Variants in TLK1 observed in about 807,000 individuals in gnomAD.
The protein encoded by TLK1 is tousled like kinase 1.
In TLK1, 24 loss-of-function variants were observed where a neutral mutation model predicts 105.3. The ratio of observed to expected loss-of-function variants is 0.23; its 90% confidence interval spans 0.17 to 0.32. TLK1 has a LOEUF of 0.32. Ranked by LOEUF, TLK1 falls within the 10% of genes least tolerant of loss-of-function variation. TLK1 has a pLI of 1.00. For synonymous variants in TLK1, 321 were observed against 310.4 expected, an observed-to-expected ratio of 1.03 and a Z score of -0.36; for missense variants, 558 against 910.5, an observed-to-expected ratio of 0.61 and a Z score of 4.98.
intron 2 of TLK1, among the ~76,000 whole-genome samples, chr2:171,087,862 GAGA>G (rs1265807945): frequency 6.6e-6 from 1 of 152,330 alleles, no homozygotes; most frequent in South Asian, 2.1e-4. Flanking sequence ...TGAGAAAACA[GAGA>G]AGGTTAAGTA....
At chr2:171,108,372 C>G (rs1690023793) in intron 2 of TLK1, among the ~76,000 whole-genome samples, 1 of 152,050 alleles carries the variant, frequency 6.6e-6, no homozygotes, top group African/African-American at 2.4e-5. Context: ...ACTGAGTATA[C>G]TGTCATTATA....
chr2:171,060,948 C>T lies in TLK1; in HGVS notation c.406+133G>A, dbSNP rs567232242. 2.0e-4 allele frequency: 158 copies of T among 772,148 alleles called. 3 individuals are homozygous for T. The South Asian group carries it at 3.2e-3, about 16-fold the overall frequency. 47.8% of individuals were successfully genotyped at this position (772,148 alleles called of 1,614,324 possible). On this transcript the variant is annotated intron_variant, in intron 4 of 20. Transcript: ENST00000431350. ...GAAAAGCCTAAAAGCAATCATTATA[C>T]ACTAACTACCTGTGCACACACCAAA...
chr2:171,195,517 A>C (rs1006363322), intron 1 of TLK1, among the ~76,000 whole-genome samples: 34 of 151,726 alleles, frequency 2.2e-4, no homozygotes, highest in African/African-American at 7.7e-4. Flanking sequence ...AAAAAAAAAA[A>C]AAAAACATAA....
At chr2:171,211,750 A>G (rs147226352) in intron 1 of TLK1, among the ~76,000 whole-genome samples, 4,372 of 151,662 alleles carry the variant, frequency 0.029, 228 homozygotes, top group African/African-American at 0.099. Flanking sequence ...GAGTTTCACC[A>G]TGTTGGTCAG....
At chr2:171,166,092 T>C (rs1386334502) in intron 1 of TLK1, among the ~76,000 whole-genome samples, 1 of 152,238 alleles carries the variant, frequency 6.6e-6, no homozygotes, top group Non-Finnish European at 1.5e-5. Context: ...GTGAGAGTAG[T>C]TATAACTCCT....
At chr2:171,087,973 ATC>A (rs1200553784) in intron 2 of TLK1, among the ~76,000 whole-genome samples, 1 of 152,164 alleles carries the variant, frequency 6.6e-6, no homozygotes, top group Admixed American at 6.5e-5. Flanking sequence ...GATGATAAAA[ATC>A]TCTCTCTGGG....
chr2:171,146,582 T>G (rs1691800704), intron 1 of TLK1, among the ~76,000 whole-genome samples: 1 of 152,186 alleles, frequency 6.6e-6, no homozygotes, highest in Non-Finnish European at 1.5e-5. Context: ...CTACCATATA[T>G]TCTCATGTCT....
intron 12 of TLK1, among the ~76,000 whole-genome samples, chr2:171,025,917 G>A (rs961189063): frequency 6.6e-6 from 1 of 152,030 alleles, no homozygotes; most frequent in Non-Finnish European, 1.5e-5. Flanking sequence ...ATGTACTACT[G>A]GCCACTTTCT....
intron 1 of TLK1, among the ~76,000 whole-genome samples, chr2:171,151,059 T>C (rs1249938986): frequency 1.3e-5 from 2 of 152,122 alleles, no homozygotes; most frequent in African/African-American, 2.4e-5. Context: ...CCTCACTCTG[T>C]TGCCCTGGCT....
chr2:171,226,050 G>T (rs1056940549), intron 1 of TLK1, among the ~76,000 whole-genome samples: 2 of 152,012 alleles, frequency 1.3e-5, no homozygotes, highest in African/African-American at 4.8e-5. Context: ...ATTCTCCTGT[G>T]AGTATTAATG....
At chr2:171,100,239 T>G (rs1380128517) in intron 2 of TLK1, among the ~76,000 whole-genome samples, 2 of 152,166 alleles carry the variant, frequency 1.3e-5, no homozygotes, top group African/African-American at 4.8e-5. Context: ...TGCTATGGAT[T>G]GAATATGGTC....
chr2:171,189,771 T>A (rs901688045), intron 1 of TLK1, among the ~76,000 whole-genome samples: 1 of 152,158 alleles, frequency 6.6e-6, no homozygotes, highest in Non-Finnish European at 1.5e-5. Flanking sequence ...CCTTTGTATA[T>A]GGTTTTTGCC....
At chr2:171,218,419 GAA>G (rs907961418) in intron 1 of TLK1, among the ~76,000 whole-genome samples, 5 of 152,202 alleles carry the variant, frequency 3.3e-5, no homozygotes, top group African/African-American at 1.2e-4. Flanking sequence ...TTTGCCAGAT[GAA>G]AAGAGTTCTG....
Position 170,991,603 on chromosome 2 carries a change from C to T in TLK1, c.*2177G>A, listed in dbSNP as rs1053947540. The T allele has an allele frequency of 2.6e-5, 4 of 152,272 alleles. No homozygotes were observed. The highest frequency in any genetic ancestry group is 2.1e-4 in the South Asian group (1 of 4,822). 9.4% of individuals were successfully genotyped at this position (152,272 alleles called of 1,614,324 possible). A position where few individuals can be genotyped will look rare whatever the true frequency, so the allele number is the denominator to read the frequency against. ...CATGGCTTGTTTTTCCCCTTTTCTG[C>T]GTTCTGCCACTAGCAGTCGCTCTCA... is the stretch of plus-strand genomic sequence containing the variant. On this transcript the variant is annotated 3_prime_UTR_variant, in exon 21 of 21. Coordinates refer to ENST00000431350, the MANE Select transcript of TLK1 (RefSeq NM_012290.5).
At chr2:171,092,646 ACC>A (rs952637389) in intron 2 of TLK1, among the ~76,000 whole-genome samples, 2 of 151,832 alleles carry the variant, frequency 1.3e-5, no homozygotes, top group Non-Finnish European at 2.9e-5. Flanking sequence ...CCACCCTCCT[ACC>A]CCCATGGACA....
intron 1 of TLK1, among the ~76,000 whole-genome samples, chr2:171,178,591 C>A (rs528435232): frequency 6.6e-6 from 1 of 152,280 alleles, no homozygotes; most frequent in South Asian, 2.1e-4. Flanking sequence ...TAACTCCAAG[C>A]CTGACAACCA....
chr2:171,145,183 A>T (rs565654252), intron 1 of TLK1, among the ~76,000 whole-genome samples: 3 of 151,996 alleles, frequency 2.0e-5, no homozygotes, highest in African/African-American at 7.2e-5. Flanking sequence ...AGATGCACGC[A>T]TGTAGTCCTA....
intron 2 of TLK1, among the ~76,000 whole-genome samples, chr2:171,096,917 C>G (rs1234843082): frequency 4.6e-5 from 7 of 152,148 alleles, no homozygotes; most frequent in Non-Finnish European, 8.8e-5. Flanking sequence ...CCAAAGTGAT[C>G]TACAGATTCA....
At chr2:171,091,229 G>A (rs1159904640) in intron 2 of TLK1, among the ~76,000 whole-genome samples, 1 of 152,186 alleles carries the variant, frequency 6.6e-6, no homozygotes, top group Admixed American at 6.5e-5. Context: ...GCCGACCTCT[G>A]CTACAGACAT....
Sources: gnomAD v4.1 joint callset for allele counts (sites outside exome capture counted in the v4.1 genomes callset) on GRCh38, gnomAD v4.1.1 for gene constraint, MANE v1.5 for transcripts, NCBI Gene and HGNC (gene_info 2026-07-23, HGNC 2026-07-21) for gene names.